The following DPP10 variants were observed in gnomAD, a reference collection of about 807,000 sequenced individuals.
The protein encoded by DPP10 is dipeptidyl peptidase like 10.
A neutral mutation model predicts 120.9 loss-of-function variants in DPP10; 33 were observed. The observed-to-expected ratio is 0.27, with a 90% CI of 0.21 to 0.37. DPP10 has a LOEUF of 0.37. Among genes scored for constraint, DPP10 ranks in the 10% least tolerant of loss-of-function variants. The pLI is 1.00. For synonymous variants in DPP10, 337 were observed against 326.1 expected, an observed-to-expected ratio of 1.03 and a Z score of -0.36; for missense variants, 816 against 942.8, an observed-to-expected ratio of 0.87 and a Z score of 1.76.
At chr2:114,537,765 A>G (rs1253233756) in intron 1 of DPP10, among the ~76,000 whole-genome samples, 1 of 152,134 alleles carries the variant, frequency 6.6e-6, no homozygotes, top group Non-Finnish European at 1.5e-5. Flanking sequence ...ATGTAGAGTT[A>G]TTTTTCTGGA....
At chr2:115,688,427 A>T (rs866642529) in intron 5 of DPP10, among the ~76,000 whole-genome samples, 1 of 152,198 alleles carries the variant, frequency 6.6e-6, no homozygotes, top group South Asian at 2.1e-4. Flanking sequence ...GGGAGTTTTA[A>T]TTGACAGTAT....
rs142657403 is a variant in DPP10 at position 114,680,582 on chromosome 2, T to A, written c.60+237744T>A. On this transcript the variant is annotated intron_variant, in intron 1 of 25. Coordinates refer to ENST00000410059, the MANE Select transcript of DPP10 (RefSeq NM_020868.6). ...CAATGTTTTCAATTGAATAAAAACGTGTTAAAAGGTTAGTACAACCTGATG... is the reference window on the plus strand; with the variant it reads ...CAATGTTTTCAATTGAATAAAAACGAGTTAAAAGGTTAGTACAACCTGATG... Among the ~76,000 whole-genome samples the A allele has an allele frequency of 6.3e-3, 963 of 152,124 alleles. 9 individuals carry two copies. The highest frequency in any genetic ancestry group is 0.022 in the African/African-American group (918 of 41,552).
At chr2:115,352,611 A>C (rs1287636396) in intron 3 of DPP10, among the ~76,000 whole-genome samples, 1 of 152,194 alleles carries the variant, frequency 6.6e-6, no homozygotes, top group Non-Finnish European at 1.5e-5. Context: ...ATTTTTCTAG[A>C]TACAAAGATA....
At chr2:115,089,217 C>G (rs1017853858) in intron 1 of DPP10, among the ~76,000 whole-genome samples, 12 of 152,182 alleles carry the variant, frequency 7.9e-5, no homozygotes, top group African/African-American at 2.9e-4. Flanking sequence ...TCAATCATCG[C>G]ATTGATCATT....
chr2:115,434,471 A>C (rs765758009), intron 3 of DPP10, among the ~76,000 whole-genome samples: 3 of 151,968 alleles, frequency 2.0e-5, no homozygotes, highest in Admixed American at 6.6e-5. Flanking sequence ...ATGTAATAAT[A>C]AATGCATGCA....
chr2:114,455,123 C>A (rs987554598), intron 1 of DPP10, among the ~76,000 whole-genome samples: 1 of 148,282 alleles, frequency 6.7e-6, no homozygotes, highest in African/African-American at 2.5e-5. Flanking sequence ...AAGCTAAATA[C>A]TTTGTTGGTT....
intron 19 of DPP10, among the ~76,000 whole-genome samples, chr2:115,792,345 C>T (rs976448977): frequency 5.9e-5 from 9 of 151,834 alleles, no homozygotes; most frequent in East Asian, 3.9e-4. Flanking sequence ...ATAATTATTG[C>T]GATTATAATT....
chr2:115,453,824 A>C (rs1249890567), intron 3 of DPP10, among the ~76,000 whole-genome samples: 1 of 151,584 alleles, frequency 6.6e-6, no homozygotes, highest in East Asian at 1.9e-4. Flanking sequence ...TTCTTTAAAA[A>C]GACCAACAAA....
intron 1 of DPP10, among the ~76,000 whole-genome samples, chr2:114,913,225 C>A (rs1384444428): frequency 6.6e-6 from 1 of 152,194 alleles, no homozygotes; most frequent in African/African-American, 2.4e-5. Context: ...CATGCACAGC[C>A]TTCCCCCATC....
chr2:114,659,429 C>T (rs1327446133), intron 1 of DPP10, among the ~76,000 whole-genome samples: 2 of 152,018 alleles, frequency 1.3e-5, no homozygotes, highest in Non-Finnish European at 2.9e-5. Flanking sequence ...CTGCACATTG[C>T]CTCATGCATT....
At chr2:115,428,261 A>G (rs2070660025) in intron 3 of DPP10, among the ~76,000 whole-genome samples, 1 of 152,174 alleles carries the variant, frequency 6.6e-6, no homozygotes, top group South Asian at 2.1e-4. Context: ...GCCTCAGCCC[A>G]TTAACCAATT....
Position 114,905,617 on chromosome 2 carries a change from C to T in DPP10, c.61-403622C>T, listed in dbSNP as rs1016921516. 1.1e-4 allele frequency among the ~76,000 whole-genome samples: 16 copies of T among 152,236 alleles called. No individual in the cohort carries two copies. In the East Asian group the frequency reaches 1.5e-3, roughly 15 times the overall value. ...TACCCTTTAGTCAATTTTTCTGATC[C>T]TCTCCCTTCTCCCACCCTGCACCCT... On this transcript the variant is annotated intron_variant, in intron 1 of 25. Coordinates refer to ENST00000410059, the MANE Select transcript of DPP10 (RefSeq NM_020868.6).
chr2:114,558,965 C>T (rs576469488), intron 1 of DPP10, among the ~76,000 whole-genome samples: 1 of 152,148 alleles, frequency 6.6e-6, no homozygotes, highest in East Asian at 1.9e-4. Context: ...TATCTCCATG[C>T]CCAAGTATAT....
At chr2:114,461,508 C>T in intron 1 of DPP10, 2 of 887,342 alleles carry the variant, frequency 2.3e-6, no homozygotes, top group Non-Finnish European at 2.7e-6. Flanking sequence ...ACCAATTAGC[C>T]TCTCCCACAC....
intron 1 of DPP10, among the ~76,000 whole-genome samples, chr2:115,190,231 C>T (rs2054770911): frequency 6.6e-6 from 1 of 152,098 alleles, no homozygotes; most frequent in Non-Finnish European, 1.5e-5. Context: ...GACTTAAATC[C>T]TGCAGCTATT....
In DPP10 at chr2:115,520,401, A is replaced by G. The variant is rs1036677833; in HGVS notation, c.367-5497A>G. 3.3e-5 allele frequency among the ~76,000 whole-genome samples: 5 copies of G among 152,254 alleles called. No individual in the cohort carries two copies. The East Asian group carries it at 9.7e-4, about 29-fold the overall frequency. ...GGCTGGAGGTTGAGGGAGCAGGGAAAATATCATAGGATCCAAGAAGACTTA... is the reference window on the plus strand; with the variant it reads ...GGCTGGAGGTTGAGGGAGCAGGGAAGATATCATAGGATCCAAGAAGACTTA... On this transcript the variant is annotated intron_variant, in intron 4 of 25. Transcript: ENST00000410059.
intron 3 of DPP10, among the ~76,000 whole-genome samples, chr2:115,385,667 G>T (rs748058330): frequency 6.6e-6 from 1 of 152,076 alleles, no homozygotes; most frequent in Admixed American, 6.6e-5. Flanking sequence ...TGTTTAATCA[G>T]ATTTCTATAG....
intron 15 of DPP10, 79 bp from the exon 16 acceptor site, chr2:115,780,795 A>G: frequency 7.5e-7 from 1 of 1,326,716 alleles, no homozygotes; most frequent in East Asian, 2.4e-5. Flanking sequence ...TGTTTATATT[A>G]TATTTAAATA....
At chr2:115,566,675 A>G (rs2081029359) in intron 5 of DPP10, among the ~76,000 whole-genome samples, 3 of 152,170 alleles carry the variant, frequency 2.0e-5, no homozygotes, top group Admixed American at 6.5e-5. Flanking sequence ...CAATTCAAGA[A>G]TGAAGTATTT....
Sources: gnomAD v4.1 joint callset for allele counts (sites outside exome capture counted in the v4.1 genomes callset) on GRCh38, gnomAD v4.1.1 for gene constraint, MANE v1.5 for transcripts, NCBI Gene and HGNC (gene_info 2026-07-23, HGNC 2026-07-21) for gene names.